The following DUSP10 variants were observed in gnomAD, a reference collection of about 807,000 sequenced individuals.
DUSP10 encodes dual specificity phosphatase 10.
DUSP10 carries 14 observed loss-of-function variants against 30.8 expected under a neutral mutation model. The ratio of observed to expected loss-of-function variants is 0.46; its 90% CI spans 0.30 to 0.71. The LOEUF (loss-of-function observed/expected upper bound fraction) is 0.71. DUSP10 is among the 30% of genes least tolerant of loss of function. The pLI is 0.08. For missense variants in DUSP10, 550 were observed against 619.4 expected (o/e 0.89, Z 1.19); for synonymous variants, 254 against 250.4 (o/e 1.01, Z -0.14).
rs114385591 is a variant in DUSP10 at position 221,718,908 on chromosome 1, A to G, written c.812-12442T>C. 9.5e-3 allele frequency among the ~76,000 whole-genome samples: 1,452 copies of G among 152,362 alleles called. 17 individuals carry two copies. The highest frequency in any genetic ancestry group is 0.014 in the Non-Finnish European group (941 of 68,032). On this transcript the variant is annotated intron_variant, in intron 2 of 3. Coordinates refer to ENST00000366899, the MANE Select transcript of DUSP10 (RefSeq NM_007207.6). ...CTGTGAAACATTCCCATTGGAAGTT[A>G]CATTCACAAAAGGTCCTCTAGAAAC...
intron 2 of DUSP10, among the ~76,000 whole-genome samples, chr1:221,731,295 C>T (rs955929244): frequency 1.3e-5 from 2 of 152,048 alleles, no homozygotes; most frequent in African/African-American, 4.8e-5. Flanking sequence ...CAGGCCAAAA[C>T]CTTGCCTCTG....
At chr1:221,737,322 G>T in intron 2 of DUSP10, 5 of 985,358 alleles carry the variant, frequency 5.1e-6, no homozygotes, top group Non-Finnish European at 6.0e-6. Context: ...CCTCCTCTTT[G>T]CTCCCCAAGA....
intron 2 of DUSP10, among the ~76,000 whole-genome samples, chr1:221,716,956 G>A (rs34602578): frequency 0.072 from 10,898 of 152,268 alleles, 555 homozygotes; most frequent in Non-Finnish European, 0.11. Context: ...CATTCTGGGA[G>A]TTGAGGAGGT....
Position 221,706,485 on chromosome 1 carries a change from A to C in DUSP10, c.812-19T>G. 6.8e-7 allele frequency: 1 copy of C among 1,461,766 alleles called. No homozygotes were observed. The highest frequency in any genetic ancestry group is 9.1e-7 in the Non-Finnish European group (1 of 1,102,506). 90.5% of individuals were successfully genotyped at this position (1,461,766 alleles called of 1,614,324 possible). On this transcript the variant is annotated intron_variant, in intron 2 of 3. Coordinates refer to ENST00000366899, the MANE Select transcript of DUSP10 (RefSeq NM_007207.6). This position sits in a 1 kb window ranked among gnomAD's most constrained non-coding sequence, Gnocchi z 4.6. ...AGTCCACCTAGAACACAAACACAGA[A>C]GGTGAGTGTGACTGAGATTTCAGAG...
rs115377620 is a variant in DUSP10 at position 221,713,780 on chromosome 1, C to A, written c.812-7314G>T. ...AGTCTTATTTAAATCCCTTTGTACA[C>A]AGGAATTAGCCCCAAGTCACATGAA... On this transcript the variant is annotated intron_variant, in intron 2 of 3. Transcript: ENST00000366899. Among the ~76,000 whole-genome samples the A allele has an allele frequency of 3.9e-4, 60 of 152,278 alleles. 1 individual carries two copies. The highest frequency in any genetic ancestry group is 7.5e-4 in the Non-Finnish European group (51 of 68,022).
Position 221,739,592 on chromosome 1 carries a change from C to T in DUSP10, c.153G>A (p.Val51=). Residue 51 remains valine, a synonymous_variant, in exon 2 of 4, where the codon GTG becomes GTA. Transcript: ENST00000366899. ...ACGTCAGATTCGCAGCCTTGAGGGACACAACGGTGGTGGCGATGACAGGAG... is the reference window on the plus strand; with the variant it reads ...ACGTCAGATTCGCAGCCTTGAGGGATACAACGGTGGTGGCGATGACAGGAG... The part of the protein sequence containing the change: ...SHPPVIATTV[V]SLKAANLTYM... The T allele has an allele frequency of 1.2e-6, 2 of 1,614,160 alleles. No homozygotes were observed. Among genetic ancestry groups the T allele is most frequent in the Non-Finnish European group, 1.7e-6 (2 of 1,180,020 alleles).
chr1:221,741,378 G>A (rs778290718), intron 1 of DUSP10, among the ~76,000 whole-genome samples: 3 of 152,084 alleles, frequency 2.0e-5, no homozygotes, highest in Admixed American at 6.5e-5. Flanking sequence ...ACAGAGACAC[G>A]CGCTGGGACC....
chr1:221,735,158 C>T (rs774950151), intron 2 of DUSP10, among the ~76,000 whole-genome samples: 2 of 152,214 alleles, frequency 1.3e-5, no homozygotes, highest in African/African-American at 2.4e-5. Context: ...AAACCATTTC[C>T]CTCTTCTTCT....
chr1:221,702,226 C>A lies in DUSP10; in HGVS notation c.*186G>T. 1.6e-6 allele frequency: 1 copy of A among 638,154 alleles called. No individual in the cohort carries two copies. Among genetic ancestry groups the A allele is most frequent in the Non-Finnish European group, 2.6e-6 (1 of 387,280 alleles). The allele number at this position is 638,154 out of a possible 1,614,324, so 39.5% of individuals were successfully genotyped here. On this transcript the variant is annotated 3_prime_UTR_variant, in exon 4 of 4. Transcript: ENST00000366899. The surrounding 1 kb of genome is among the most constrained non-coding windows in gnomAD (Gnocchi z 4.5). ...ATTTGTCAGTTTGTGGGAGGTGAAT[C>A]TCAATGGCATCAAAAGTTATAGTCT...
At chr1:221,717,568 G>C (rs1170796208) in intron 2 of DUSP10, among the ~76,000 whole-genome samples, 1 of 151,722 alleles carries the variant, frequency 6.6e-6, no homozygotes, top group Non-Finnish European at 1.5e-5. Flanking sequence ...TGCATTTTTT[G>C]TGGCTGCTGT....
intron 2 of DUSP10, among the ~76,000 whole-genome samples, chr1:221,725,941 A>G (rs995945870): frequency 6.6e-6 from 1 of 152,204 alleles, no homozygotes; most frequent in African/African-American, 2.4e-5. Context: ...CACTTCCACA[A>G]TAGCTTCTGA....
At chr1:221,720,181 T>C (rs1028322150) in intron 2 of DUSP10, among the ~76,000 whole-genome samples, 5 of 152,190 alleles carry the variant, frequency 3.3e-5, no homozygotes, top group African/African-American at 1.2e-4. Flanking sequence ...TATGAGTGTT[T>C]TCTGAATGCC....
intron 2 of DUSP10, among the ~76,000 whole-genome samples, chr1:221,731,057 C>G (rs1485784407): frequency 6.6e-6 from 1 of 152,002 alleles, no homozygotes; most frequent in Non-Finnish European, 1.5e-5. Flanking sequence ...ATTTTCTCTT[C>G]CTATATTTTT....
chr1:221,732,856 A>G (rs1661658543), intron 2 of DUSP10, among the ~76,000 whole-genome samples: 1 of 152,174 alleles, frequency 6.6e-6, no homozygotes, highest in South Asian at 2.1e-4. Context: ...GTTATAAATC[A>G]CCTTCAGGTG....
chr1:221,722,368 C>A (rs1417898265), intron 2 of DUSP10, among the ~76,000 whole-genome samples: 1 of 152,186 alleles, frequency 6.6e-6, no homozygotes, highest in African/African-American at 2.4e-5. Flanking sequence ...TGCTCTCCCC[C>A]TCTCAGAAAC....
intron 2 of DUSP10, among the ~76,000 whole-genome samples, chr1:221,708,039 T>C (rs1238841215): frequency 6.6e-6 from 1 of 152,232 alleles, no homozygotes; most frequent in Non-Finnish European, 1.5e-5. Context: ...ACATTATTAG[T>C]GCCAACTGAG....
At chr1:221,739,862 A>G in intron 1 of DUSP10, 75 bp from the exon 2 acceptor site, 2 of 1,417,734 alleles carry the variant, frequency 1.4e-6, no homozygotes, top group African/African-American at 2.9e-5. Context: ...AATCCCTGGG[A>G]AAGACCTTTG....
chr1:221,723,748 T>C (rs963964363), intron 2 of DUSP10, among the ~76,000 whole-genome samples: 3 of 152,212 alleles, frequency 2.0e-5, no homozygotes, highest in Non-Finnish European at 2.9e-5. Flanking sequence ...TTCTAGGCCC[T>C]CTCCTTGTGC....
rs10543773 is a variant in DUSP10, at chr1:221,704,316, T to TAAAAAA, written c.1184-1645_1184-1640dup. Among the ~76,000 whole-genome samples, 2 of 134,366 alleles carry TAAAAAA rather than the reference T, an allele frequency of 1.5e-5. 1 individual carries two copies. Among genetic ancestry groups the TAAAAAA allele is most frequent in the African/African-American group, 5.2e-5 (2 of 38,354 alleles). The allele number at this position is 134,366 out of a possible 152,430, so 88.1% of individuals were successfully genotyped here. A position where few individuals can be genotyped will look rare whatever the true frequency, so the allele number is the denominator to read the frequency against. On this transcript the variant is annotated intron_variant, in intron 3 of 3. Transcript: ENST00000366899. The stretch of plus-strand genomic sequence containing the variant: ...TATTTGTTATTGGTTTTGTTTTCCT[T>TAAAAAA]AAAAAAAAAAAAAAAAAGGCAGGTA...
Sources: gnomAD v4.1 joint callset for allele counts (sites outside exome capture counted in the v4.1 genomes callset) on GRCh38, gnomAD v4.1.1 for gene constraint, Gnocchi (gnomAD v3.1) non-coding constraint, MANE v1.5 for transcripts, NCBI Gene and HGNC (gene_info 2026-07-23, HGNC 2026-07-21) for gene names.